Variants in SND1 observed in about 807,000 individuals in gnomAD.
The protein encoded by SND1 is staphylococcal nuclease domain-containing protein 1.
In SND1, 38 loss-of-function variants were observed where a neutral mutation model predicts 121.7. The observed-to-expected ratio is 0.31, with a 90% confidence interval of 0.24 to 0.41. SND1 has a LOEUF of 0.41. Ranked by LOEUF, SND1 falls within the 10% of genes least tolerant of loss-of-function variation. SND1 has a pLI of 1.00. For missense variants in SND1, 868 were observed against 1,184.6 expected (o/e 0.73, Z 3.92); for synonymous variants, 401 against 447.4 (o/e 0.90, Z 1.31).
intron 13 of SND1, among the ~76,000 whole-genome samples, chr7:127,900,870 G>A (rs1012262041): frequency 6.6e-6 from 1 of 152,204 alleles, no homozygotes; most frequent in Non-Finnish European, 1.5e-5. Context: ...CTGCTGAGAG[G>A]AGTAGGCTAT....
intron 12 of SND1, among the ~76,000 whole-genome samples, chr7:127,880,409 G>A (rs76318078): frequency 1.3e-5 from 2 of 152,016 alleles, no homozygotes; most frequent in East Asian, 1.9e-4. Flanking sequence ...TATTTCTTGC[G>A]GATAAGGAGG....
rs150795930 is a variant in SND1, at chr7:127,898,508, G to A, written c.1455-6239G>A. 9.3e-4 allele frequency among the ~76,000 whole-genome samples: 141 copies of A among 152,212 alleles called. 1 individual carries two copies. Among genetic ancestry groups the A allele is most frequent in the Middle Eastern group, 3.4e-3 (1 of 294 alleles). On this transcript the variant is annotated intron_variant, in intron 13 of 23. Transcript: ENST00000354725. ...CTCCCAAGTAACCAGGAGAAAGGCC[G>A]AAGGAATTGTTTATTGCTACCATGT... is the stretch of plus-strand genomic sequence containing the variant.
In SND1 at chr7:127,652,487, G is replaced by A. The variant is rs374499462; in HGVS notation, c.78+36G>A. Reference sequence around the variant, plus strand: ...GCCCCGGACACCGACCCCTCTGCCTGCCTTCGGGCGGGAGTCAGGCATTGA... The same window carrying A: ...GCCCCGGACACCGACCCCTCTGCCTACCTTCGGGCGGGAGTCAGGCATTGA... On this transcript the variant is annotated intron_variant, in intron 1 of 23. Transcript: ENST00000354725. 3.2e-4 allele frequency: 493 copies of A among 1,519,516 alleles called. 2 individuals carry two copies. The African/African-American group carries it at 6.1e-3, about 19-fold the overall frequency. 94.1% of individuals were successfully genotyped at this position (1,519,516 alleles called of 1,614,324 possible).
At chr7:127,962,204 T>TG (rs1374190166) in intron 15 of SND1, among the ~76,000 whole-genome samples, 2 of 152,138 alleles carry the variant, frequency 1.3e-5, no homozygotes, top group Non-Finnish European at 2.9e-5. Context: ...GGAAGGAAGA[T>TG]GGGGAAAGGG....
chr7:128,032,368 CG>C (rs1188994847), intron 16 of SND1, among the ~76,000 whole-genome samples: 3 of 150,892 alleles, frequency 2.0e-5, no homozygotes, highest in African/African-American at 7.3e-5. Context: ...ACGAGCGGAG[CG>C]GGGCCAGGGC....
intron 16 of SND1, chr7:128,030,683 T>C: frequency 6.6e-7 from 1 of 1,522,926 alleles, no homozygotes; most frequent in South Asian, 1.3e-5. Flanking sequence ...GGATTTTGGC[T>C]CGGAAAGGAG....
At chr7:127,722,321 T>TTTG (rs1336406075) in intron 10 of SND1, among the ~76,000 whole-genome samples, 1 of 151,760 alleles carries the variant, frequency 6.6e-6, no homozygotes, top group Non-Finnish European at 1.5e-5. Flanking sequence ...TTTTTTTTTT[T>TTTG]TTAAGAAACA....
intron 12 of SND1, among the ~76,000 whole-genome samples, chr7:127,882,888 T>C (rs1293109281): frequency 6.6e-6 from 1 of 152,160 alleles, no homozygotes; most frequent in Non-Finnish European, 1.5e-5. Flanking sequence ...ATGTCTGGCC[T>C]GAATGGATAA....
intron 16 of SND1, among the ~76,000 whole-genome samples, chr7:128,001,158 T>G (rs565023412): frequency 6.6e-6 from 1 of 152,348 alleles, no homozygotes; most frequent in East Asian, 1.9e-4. Context: ...TGGTCTGTTA[T>G]GAAATGCTGC....
intron 21 of SND1, among the ~76,000 whole-genome samples, chr7:128,087,810 G>A (rs576148997): frequency 6.6e-6 from 1 of 152,114 alleles, no homozygotes; most frequent in South Asian, 2.1e-4. Flanking sequence ...CTGAGAACAG[G>A]AGCCCAGAGG....
intron 12 of SND1, among the ~76,000 whole-genome samples, chr7:127,871,749 CAAGTGTCATTATAAAGATATGGATAG>C (rs1799591326): frequency 6.6e-6 from 1 of 152,144 alleles, no homozygotes; most frequent in Non-Finnish European, 1.5e-5. Flanking sequence ...ACATTATCAT[CAAGTGTCATTATAAAGATATGGATAG>C]AAGTGTGAAT....
chr7:127,855,106 G>C (rs1038452926), intron 12 of SND1, among the ~76,000 whole-genome samples: 2 of 151,388 alleles, frequency 1.3e-5, no homozygotes, highest in African/African-American at 4.9e-5. Context: ...GCAAACTATT[G>C]TTGATATTAA....
intron 16 of SND1, chr7:128,031,172 T>TGC: frequency 6.6e-6 from 1 of 152,446 alleles, no homozygotes; most frequent in Non-Finnish European, 1.5e-5. Context: ...CGGCGGGCTA[T>TGC]GCAGGTGCAT....
At chr7:127,654,600 G>A (rs1333342159) in intron 1 of SND1, among the ~76,000 whole-genome samples, 2 of 152,176 alleles carry the variant, frequency 1.3e-5, no homozygotes, top group Non-Finnish European at 2.9e-5. Context: ...GTCTTGTCTG[G>A]GAGCTGCTAT....
At chr7:127,957,949 G>C (rs1273006675) in intron 15 of SND1, among the ~76,000 whole-genome samples, 1 of 152,180 alleles carries the variant, frequency 6.6e-6, no homozygotes, top group African/African-American at 2.4e-5. Flanking sequence ...CATTCCACCT[G>C]CCTCGGCCTC....
rs112546616 is a variant in SND1, at chr7:127,801,959, A to G, written c.1153-5525A>G. Among the ~76,000 whole-genome samples the G allele has an allele frequency of 5.9e-3, 902 of 152,126 alleles. 9 individuals carry two copies. The highest frequency in any genetic ancestry group is 0.021 in the African/African-American group (852 of 41,484). On this transcript the variant is annotated intron_variant, in intron 10 of 23. Transcript: ENST00000354725. ...AGAGTTCACGCCATTCTCCTGCCTC[A>G]GCCTCCCGAGTAGCTGGGACTACAG... is the stretch of plus-strand genomic sequence containing the variant.
chr7:127,994,189 G>A (rs1802583620), intron 16 of SND1, among the ~76,000 whole-genome samples: 1 of 152,086 alleles, frequency 6.6e-6, no homozygotes, highest in Non-Finnish European at 1.5e-5. Flanking sequence ...ACCTCATAAT[G>A]CTGCTTTCCT....
chr7:128,061,587 G>C (rs1397920125), intron 16 of SND1, among the ~76,000 whole-genome samples: 2 of 152,194 alleles, frequency 1.3e-5, no homozygotes, highest in Non-Finnish European at 2.9e-5. Context: ...GTTTGAGAGG[G>C]CTGCGGCACA....
At chr7:128,086,758 G>A (rs1451561578) in intron 20 of SND1, 180 bp from the exon 21 acceptor site, 21 of 641,132 alleles carry the variant, frequency 3.3e-5, no homozygotes, top group Non-Finnish European at 4.5e-5. Flanking sequence ...AGCAGGGCAC[G>A]TTCTCTCCAG....
Sources: allele counts gnomAD v4.1 joint callset (sites outside exome capture counted in the v4.1 genomes callset), GRCh38; gene constraint gnomAD v4.1.1; transcripts MANE v1.5; gene names NCBI Gene and HGNC (gene_info 2026-07-23, HGNC 2026-07-21).